TLK2: variants seen among roughly 807,000 people sequenced by gnomAD.
TLK2 encodes the protein tousled like kinase 2, also known as serine/threonine-protein kinase tousled-like 2.
TLK2 carries 6 observed loss-of-function variants against 117.3 expected under a neutral mutation model. That is an observed-to-expected ratio of 0.05 (90% CI 0.03 to 0.10). The LOEUF (loss-of-function observed/expected upper bound fraction) is 0.10, where lower values mean the gene tolerates loss of function less well. Among genes scored for constraint, TLK2 ranks in the 10% least tolerant of loss-of-function variants. The pLI is 1.00. For synonymous variants in TLK2, 257 were observed against 316.7 expected (o/e 0.81, Z 2.00); for missense variants, 299 against 901.2 (o/e 0.33, Z 8.56).
chr17:62,593,915 C>G (rs1030605952), intron 16 of TLK2, among the ~76,000 whole-genome samples: 10 of 151,304 alleles, frequency 6.6e-5, no homozygotes, highest in Admixed American at 6.6e-4. Context: ...GCCCCAGCCT[C>G]CCAAATAGCT....
chr17:62,596,518 G>A lies in TLK2; in HGVS notation c.1461-67G>A, dbSNP rs77973627. The A allele has an allele frequency of 5.9e-3, 6,700 of 1,138,174 alleles. 250 individuals carry two copies. In the African/African-American group the frequency reaches 0.086, roughly 15 times the overall value. 70.5% of individuals were successfully genotyped at this position (1,138,174 alleles called of 1,614,324 possible). A position where few individuals can be genotyped will look rare whatever the true frequency, so the allele number is the denominator to read the frequency against. ...TAGAGAAATGATTGAATATTTAGGA[G>A]GATCTTTGAAGAGTTCTAAAAGGCA... On this transcript the variant is annotated intron_variant, in intron 16 of 21. Coordinates refer to ENST00000346027, the MANE Select transcript of TLK2 (RefSeq NM_006852.6).
chr17:62,569,467 G>C (rs1399633783), intron 11 of TLK2, among the ~76,000 whole-genome samples: 1 of 110,578 alleles, frequency 9.0e-6, no homozygotes, highest in East Asian at 2.7e-4. Context: ...ATGGAGTGTT[G>C]CTCTGTTGCC....
chr17:62,576,831 G>A, intron 13 of TLK2, 56 bp downstream of exon 13: 2 of 1,425,924 alleles, frequency 1.4e-6, no homozygotes, highest in Non-Finnish European at 2.0e-6. Flanking sequence ...TTAAATTTGG[G>A]GTTGAAGCTA....
intron 19 of TLK2, among the ~76,000 whole-genome samples, chr17:62,605,487 C>T (rs1357592716): frequency 6.6e-6 from 1 of 152,028 alleles, no homozygotes; most frequent in African/African-American, 2.4e-5. Context: ...ATCCTCCCGC[C>T]TCAGCTTCCC....
intron 2 of TLK2, among the ~76,000 whole-genome samples, chr17:62,512,861 A>AATAATTATT (rs1555610963): frequency 1.4e-4 from 20 of 141,160 alleles, no homozygotes; most frequent in South Asian, 1.4e-3. Context: ...AAAATTTATT[A>AATAATTATT]ATTATTATTA....
At chr17:62,515,390 A>G (rs11079480) in intron 2 of TLK2, among the ~76,000 whole-genome samples, 76,162 of 152,026 alleles carry the variant, frequency 0.5, 21,271 homozygotes, top group East Asian at 0.81. Flanking sequence ...TTTTTGAGGA[A>G]CTGCCATAGT....
intron 17 of TLK2, among the ~76,000 whole-genome samples, chr17:62,598,615 C>T (rs1469576046): frequency 2.0e-5 from 3 of 151,764 alleles, no homozygotes; most frequent in Admixed American, 6.6e-5. Flanking sequence ...ACCTCCACCT[C>T]CCAGGTTCAA....
intron 2 of TLK2, among the ~76,000 whole-genome samples, chr17:62,505,014 T>G (rs1223207407): frequency 6.6e-6 from 1 of 152,016 alleles, no homozygotes; most frequent in African/African-American, 2.4e-5. Context: ...TGGCTAATTT[T>G]GGAAGTCTTG....
At chr17:62,520,272 G>C (rs1445606726) in intron 2 of TLK2, among the ~76,000 whole-genome samples, 1 of 152,130 alleles carries the variant, frequency 6.6e-6, no homozygotes, top group African/African-American at 2.4e-5. Context: ...AGTAGGGATT[G>C]AGCAGAAGAA....
chr17:62,550,935 C>T (rs1438249621), intron 7 of TLK2: 2 of 152,572 alleles, frequency 1.3e-5, no homozygotes, highest in African/African-American at 4.8e-5. Context: ...TCTCCTGCCT[C>T]AGCCTCCTGA....
In TLK2 at chr17:62,481,196, G is replaced by T; in HGVS notation, c.71G>T (p.Gly24Val). 1 of 1,613,864 alleles carries T rather than the reference G, an allele frequency of 6.2e-7. No individual in the cohort carries two copies. The highest frequency in any genetic ancestry group is 8.5e-7 in the Non-Finnish European group (1 of 1,179,812). The change falls in exon 2 of 22, where the codon GGT becomes GTT. Residue 24 changes from glycine (G) to valine (V), a missense_variant. By Grantham distance (109) the Gly-to-Val change is moderately radical (BLOSUM62 -3). Transcript: ENST00000346027. ...ELLEARFTGV[G>V]VSKGPLNSES... ...TTGGAGGCCAGGTTTACTGGAGTAG[G>T]TGTTAGTAAGGTGAGTAAAATGATG...
intron 6 of TLK2, among the ~76,000 whole-genome samples, chr17:62,532,481 A>G (rs527288659): frequency 1.3e-5 from 2 of 152,326 alleles, no homozygotes; most frequent in African/African-American, 2.4e-5. Context: ...ATAGATTCAA[A>G]AACTAATTTC....
intron 2 of TLK2, among the ~76,000 whole-genome samples, chr17:62,512,334 T>C (rs1252268809): frequency 6.7e-6 from 1 of 148,660 alleles, no homozygotes; most frequent in African/African-American, 2.5e-5. Flanking sequence ...GCAATTCTCC[T>C]GCCTCAGCCT....
chr17:62,612,541 G>A lies in TLK2; in HGVS notation c.2229G>A (p.Ala743=), dbSNP rs754947731. 6.8e-6 allele frequency: 11 copies of A among 1,612,956 alleles called. No individual in the cohort carries two copies. The highest frequency in any genetic ancestry group is 1.7e-4 in the Middle Eastern group (1 of 6,056). Residue 743 remains alanine (A), a synonymous_variant, in exon 22 of 22, where the codon GCG becomes GCA. Transcript: ENST00000346027. The part of the protein sequence containing the change: ...AGAAIASTSG[A]SNNSSSN The stretch of plus-strand genomic sequence containing the variant: ...CTGCTATTGCATCAACCTCTGGGGC[G>A]TCCAATAACAGTTCTTCTAATTGAG...
In TLK2 at chr17:62,549,650, C is replaced by G. The variant is rs150494278; in HGVS notation, c.532-2652C>G. The G allele has an allele frequency of 3.5e-3, 530 of 151,894 alleles. 2 individuals carry two copies. The highest frequency in any genetic ancestry group is 5.3e-3 in the Non-Finnish European group (361 of 68,272). 9.4% of individuals were successfully genotyped at this position (151,894 alleles called of 1,614,324 possible). A position where few individuals can be genotyped will look rare whatever the true frequency, so the allele number is the denominator to read the frequency against. On this transcript the variant is annotated intron_variant, in intron 7 of 21. Coordinates refer to ENST00000346027, the MANE Select transcript of TLK2 (RefSeq NM_006852.6). ...GAATTATATAGACTTGGTGCTCCCCCCCAAGACCCCCACCGCAAGACGGAG... is the reference window on the plus strand; with the variant it reads ...GAATTATATAGACTTGGTGCTCCCCGCCAAGACCCCCACCGCAAGACGGAG...
At chr17:62,606,266 G>T in intron 20 of TLK2, 25 bp downstream of exon 20, 1 of 1,471,572 alleles carries the variant, frequency 6.8e-7, no homozygotes, top group Non-Finnish European at 9.4e-7. Context: ...TGATGGAGAA[G>T]CTTGATCTCT....
chr17:62,567,367 TTGCTA>T lies in TLK2; in HGVS notation c.968+2232_968+2236del, dbSNP rs1472049609. 2.0e-5 allele frequency among the ~76,000 whole-genome samples: 3 copies of T among 152,300 alleles called. No homozygotes were observed. In the East Asian group the frequency reaches 5.8e-4, roughly 29 times the overall value. ...TATGGTAGAGTACAAAATGATGACT[TTGCTA>T]TAGAGCCACCAGATCAGAGGAAGTG... is the stretch of plus-strand genomic sequence containing the variant. On this transcript the variant is annotated intron_variant, in intron 11 of 21. Transcript: ENST00000346027.
In TLK2 at chr17:62,586,058, GTTAAA is replaced by G. The variant is rs201327497; in HGVS notation, c.1369-71_1369-67del. On this transcript the variant is annotated intron_variant, in intron 15 of 21. Coordinates refer to ENST00000346027, the MANE Select transcript of TLK2 (RefSeq NM_006852.6). ...ATTTTGGACTTTGATTATGTTATAT[GTTAAA>G]TTAAAGCTTCACATCAGTTACCTGT... 117 of 1,099,990 alleles carry G rather than the reference GTTAAA, an allele frequency of 1.1e-4. No individual in the cohort carries two copies. The East Asian group carries it at 2.5e-3, about 23-fold the overall frequency. The allele number at this position is 1,099,990 out of a possible 1,614,324, so 68.1% of individuals were successfully genotyped here.
intron 7 of TLK2, among the ~76,000 whole-genome samples, chr17:62,548,240 A>ACGTG (rs1555629776): frequency 6.4e-4 from 78 of 121,294 alleles, no homozygotes; most frequent in African/African-American, 2.2e-3. Flanking sequence ...ATATATATAT[A>ACGTG]TGTGTGTGTG....
Sources: gnomAD v4.1 joint callset for allele counts (sites outside exome capture counted in the v4.1 genomes callset) on GRCh38, gnomAD v4.1.1 for gene constraint, MANE v1.5 for transcripts, NCBI Gene and HGNC (gene_info 2026-07-23, HGNC 2026-07-21) for gene names.